Variants in DGKB observed in about 807,000 individuals in gnomAD.
The protein encoded by DGKB is 90 kDa diacylglycerol kinase.
A neutral mutation model predicts 114.3 loss-of-function variants in DGKB; 67 were observed. That is an observed-to-expected ratio of 0.59 (90% CI 0.48 to 0.72). DGKB has a LOEUF of 0.72. Among genes scored for constraint, DGKB ranks in the 30% least tolerant of loss-of-function variants. The probability of loss-of-function intolerance (pLI) is 0.00; values close to 1 mark genes in which losing one functional copy is unlikely to be tolerated. For synonymous variants in DGKB, 398 were observed against 323.1 expected (o/e 1.23, Z -2.49); for missense variants, 907 against 975.2 (o/e 0.93, Z 0.93).
chr7:14,279,675 C>A (rs987222021), intron 23 of DGKB, among the ~76,000 whole-genome samples: 1 of 152,114 alleles, frequency 6.6e-6, no homozygotes, highest in Non-Finnish European at 1.5e-5. Context: ...CAAAGGCAGA[C>A]TGCCTCCTCA....
chr7:14,540,581 G>A lies in DGKB; in HGVS notation c.1770+33631C>T, dbSNP rs557427578. Among the ~76,000 whole-genome samples the A allele has an allele frequency of 3.0e-4, 46 of 152,106 alleles. No homozygotes were observed. In the East Asian group the frequency reaches 6.8e-3, roughly 22 times the overall value. Reference sequence around the variant, plus strand: ...GCAAAGTCATCACAGTTGCTAATTCGTTTATCTGAGAATATACAGATTTAC... The same window carrying A: ...GCAAAGTCATCACAGTTGCTAATTCATTTATCTGAGAATATACAGATTTAC... On this transcript the variant is annotated intron_variant, in intron 20 of 25. Transcript: ENST00000402815.
chr7:14,861,726 T>G (rs1448866392), intron 1 of DGKB, among the ~76,000 whole-genome samples: 2 of 152,118 alleles, frequency 1.3e-5, no homozygotes, highest in African/African-American at 4.8e-5. Context: ...CTCTATTTAT[T>G]TGTCTGTGCT....
At chr7:14,613,020 T>C (rs1054583612) in intron 16 of DGKB, among the ~76,000 whole-genome samples, 1 of 152,156 alleles carries the variant, frequency 6.6e-6, no homozygotes, top group African/African-American at 2.4e-5. Context: ...TGGATTCATC[T>C]TGTTAACCAT....
chr7:14,689,212 T>TTTATTTTTA lies in DGKB; in HGVS notation c.712-3851_712-3850insTAAAAATAA, dbSNP rs1563917767. On this transcript the variant is annotated intron_variant, in intron 9 of 25. Coordinates refer to ENST00000402815, the MANE Select transcript of DGKB (RefSeq NM_001350709.2). ...GAAACTCCTCTTATTTTTTTTTTTT[T>TTTATTTTTA]TTTTTTTTTTTTGAGAGGAGTCTCG... 3.1e-4 allele frequency among the ~76,000 whole-genome samples: 41 copies of TTTATTTTTA among 130,582 alleles called. 1 individual carries two copies. Among genetic ancestry groups the TTTATTTTTA allele is most frequent in the Admixed American group, 3.0e-4 (4 of 13,144 alleles). The allele number at this position is 130,582 out of a possible 152,430, so 85.7% of individuals were successfully genotyped here.
At chr7:14,816,984 T>G (rs1216105896) in intron 2 of DGKB, among the ~76,000 whole-genome samples, 1 of 152,234 alleles carries the variant, frequency 6.6e-6, no homozygotes, top group Non-Finnish European at 1.5e-5. Context: ...TTTCATAATA[T>G]GCATTAATAT....
intron 21 of DGKB, among the ~76,000 whole-genome samples, chr7:14,411,140 T>C (rs1824808864): frequency 6.6e-6 from 1 of 152,176 alleles, no homozygotes; most frequent in Non-Finnish European, 1.5e-5. Flanking sequence ...GTATTCAATA[T>C]ATTGCATGAG....
intron 20 of DGKB, among the ~76,000 whole-genome samples, chr7:14,528,604 T>A (rs1302037461): frequency 6.6e-6 from 1 of 152,004 alleles, no homozygotes; most frequent in Non-Finnish European, 1.5e-5. Flanking sequence ...ATTGTCGTAC[T>A]CCTGGACAGT....
chr7:14,433,342 A>G (rs1293511730), intron 21 of DGKB, among the ~76,000 whole-genome samples: 1 of 152,148 alleles, frequency 6.6e-6, no homozygotes, highest in African/African-American at 2.4e-5. Flanking sequence ...AAATTCTTGC[A>G]TGCAAATTTC....
chr7:14,894,641 G>A (rs75573133), intron 1 of DGKB, among the ~76,000 whole-genome samples: 2,049 of 151,458 alleles, frequency 0.014, 36 homozygotes, highest in African/African-American at 0.047. Context: ...TTTCACTTTT[G>A]ATATTATCTT....
At chr7:14,921,395 C>T (rs1441347070) in intron 1 of DGKB, among the ~76,000 whole-genome samples, 1 of 152,032 alleles carries the variant, frequency 6.6e-6, no homozygotes, top group African/African-American at 2.4e-5. Context: ...GTAATATTGT[C>T]CTAAAAACTG....
chr7:14,427,729 A>T (rs1040953543), intron 21 of DGKB, among the ~76,000 whole-genome samples: 6 of 152,152 alleles, frequency 3.9e-5, no homozygotes, highest in Non-Finnish European at 7.4e-5. Context: ...AAACCATCAG[A>T]TCTTGTGAGA....
At chr7:14,257,534 A>G (rs1796122293) in intron 23 of DGKB, among the ~76,000 whole-genome samples, 1 of 152,106 alleles carries the variant, frequency 6.6e-6, no homozygotes. Context: ...TAATTGAATC[A>G]TAGAGGCTGT....
intron 9 of DGKB, among the ~76,000 whole-genome samples, chr7:14,687,502 C>T (rs16878268): frequency 0.029 from 4,458 of 152,042 alleles, 152 homozygotes; most frequent in Admixed American, 0.072. Context: ...AGCTTTATCA[C>T]GTGAATAGAA....
chr7:14,177,598 G>T (rs185652980), intron 24 of DGKB, among the ~76,000 whole-genome samples: 1 of 141,986 alleles, frequency 7.0e-6, no homozygotes. Context: ...GAAATTTTGG[G>T]CAAAAAAAAT....
intron 23 of DGKB, among the ~76,000 whole-genome samples, chr7:14,283,683 A>G (rs1456828157): frequency 6.6e-6 from 1 of 152,000 alleles, no homozygotes; most frequent in East Asian, 1.9e-4. Flanking sequence ...TCAATGGAAA[A>G]GAACAGAGCC....
chr7:14,239,808 G>C (rs1056112921), intron 23 of DGKB, among the ~76,000 whole-genome samples: 13 of 152,102 alleles, frequency 8.5e-5, no homozygotes, highest in African/African-American at 2.9e-4. Flanking sequence ...ATAGTTTTAT[G>C]TGTGATTTTA....
intron 14 of DGKB, among the ~76,000 whole-genome samples, chr7:14,621,942 A>C (rs1807729238): frequency 6.6e-6 from 1 of 152,112 alleles, no homozygotes. Context: ...TATATCAAAA[A>C]TAGCATATAT....
chr7:14,799,660 G>A (rs1841881596), intron 2 of DGKB, among the ~76,000 whole-genome samples: 1 of 152,128 alleles, frequency 6.6e-6, no homozygotes, highest in Admixed American at 6.6e-5. Context: ...ATTTTAGAAG[G>A]AACATAGTCT....
At chr7:14,470,048 T>C (rs926245299) in intron 21 of DGKB, among the ~76,000 whole-genome samples, 4 of 151,872 alleles carry the variant, frequency 2.6e-5, no homozygotes, top group Admixed American at 6.6e-5. Context: ...ATTTCAAAAA[T>C]TTCATTTAAA....
Sources: gnomAD v4.1 joint callset for allele counts (sites outside exome capture counted in the v4.1 genomes callset) on GRCh38, gnomAD v4.1.1 for gene constraint, MANE v1.5 for transcripts, NCBI Gene and HGNC (gene_info 2026-07-23, HGNC 2026-07-21) for gene names.